LIN7B: variants seen among roughly 807,000 people sequenced by gnomAD.
LIN7B encodes lin-7 cell polarity scaffold B, also known as protein lin-7 homolog B.
In LIN7B, 16 loss-of-function variants were observed where a neutral mutation model predicts 27.9. The ratio of observed to expected loss-of-function variants is 0.57; its 90% confidence interval spans 0.39 to 0.87. The LOEUF is 0.87. LIN7B is among the 40% of genes least tolerant of loss of function. The pLI is 0.00. For synonymous variants in LIN7B, 147 were observed against 120.8 expected (o/e 1.22, Z -1.42); for missense variants, 291 against 288.5 (o/e 1.01, Z -0.06).
At position 49,116,355 on chromosome 19, in the gene LIN7B, C is replaced by G; in HGVS notation, c.321C>G (p.Ile107Met). 6.2e-7 allele frequency: 1 copy of G among 1,614,216 alleles called. No individual in the cohort carries two copies. Among genetic ancestry groups the G allele is most frequent in the Non-Finnish European group, 8.5e-7 (1 of 1,180,032 alleles). Residue 107 changes from isoleucine to methionine, a missense_variant, in exon 4 of 6, where the codon ATC (isoleucine) becomes ATG (methionine). Transcript: ENST00000221459. ...PKTDEGLGFN[I>M]MGGKEQNSPI... ...CGGATGAGGGCCTAGGCTTCAACAT[C>G]ATGGGTGGCAAAGAGCAAAACTCGC...
chr19:49,116,077 T>C (rs1568428029), intron 3 of LIN7B, 186 bp from the exon 4 acceptor site: 2 of 568,880 alleles, frequency 3.5e-6, no homozygotes, highest in East Asian at 2.9e-5. Context: ...GGACACTTTC[T>C]CTTGCAAGTG....
chr19:49,114,379 G>T lies in LIN7B; in HGVS notation c.-26G>T, dbSNP rs540223275. The T allele has an allele frequency of 1.5e-3, 1,732 of 1,191,420 alleles. 5 individuals are homozygous for T. Among genetic ancestry groups the T allele is most frequent in the Middle Eastern group, 2.0e-3 (6 of 2,998 alleles). 73.8% of individuals were successfully genotyped at this position (1,191,420 alleles called of 1,614,324 possible). On this transcript the variant is annotated 5_prime_UTR_variant, in exon 1 of 6. Transcript: ENST00000221459. ...CCTCCTCGCCGGCGCCAGGGCAGGC[G>T]GGCGGCTGGCAGCTGTGGCGCCGAC...
intron 4 of LIN7B, 145 bp from the exon 5 acceptor site, chr19:49,117,710 G>T: frequency 1.5e-6 from 1 of 679,346 alleles, no homozygotes; most frequent in Admixed American, 2.6e-5. Context: ...ACTGAACCAG[G>T]AGTTAATGAC....
At chr19:49,115,209 C>G in intron 2 of LIN7B, 51 bp from the exon 3 acceptor site, 5 of 1,506,898 alleles carry the variant, frequency 3.3e-6, no homozygotes, top group Non-Finnish European at 4.5e-6. Flanking sequence ...ACTCCTGCGT[C>G]TAGGGCTGGA....
Position 49,116,314 on chromosome 19 carries a change from G to A in LIN7B, c.280G>A (p.Val94Met). 1 of 1,614,178 alleles carries A rather than the reference G, an allele frequency of 6.2e-7. No homozygotes were observed. The highest frequency in any genetic ancestry group is 8.5e-7 in the Non-Finnish European group (1 of 1,180,030). The change falls in exon 4 of 6, where the codon GTG becomes ATG. Residue 94 changes from valine (V) to methionine (M), a missense_variant. Transcript: ENST00000221459. ...CGAGGGCCACGCACATCCCAGGGTAGTGGAGCTACCCAAGACGGATGAGGG... is the reference window on the plus strand; with the variant it reads ...CGAGGGCCACGCACATCCCAGGGTAATGGAGCTACCCAAGACGGATGAGGG... Reference protein sequence around the residue: ...ASEGHAHPRVVELPKTDEGLG... With the variant: ...ASEGHAHPRVMELPKTDEGLG...
Position 49,116,426 on chromosome 19 carries a change from A to G in LIN7B, c.392A>G (p.His131Arg), listed in dbSNP as rs2040826713. ...ATCCCAGGGGGTGTGGCTGACCGCC[A>G]TGGAGGCCTCAAGCGTGGGGATCAA... ...RVIPGGVADR[H>R]GGLKRGDQLL... is the part of the protein sequence containing the mutation. The change falls in exon 4 of 6, where the codon CAT becomes CGT. Residue 131 changes from histidine (H) to arginine (R), a missense_variant. His to Arg is a conservative substitution (Grantham distance 29). Transcript: ENST00000221459. The G allele has an allele frequency of 6.2e-7, 1 of 1,614,216 alleles. No individual in the cohort carries two copies.
intron 1 of LIN7B, 111 bp downstream of exon 1, chr19:49,114,552 GGGGGTGGGC>G: frequency 1.2e-6 from 1 of 856,128 alleles, no homozygotes; most frequent in Non-Finnish European, 1.5e-6. Flanking sequence ...CGGACCCGGA[GGGGGTGGGC>G]GGGGCGGGCG....
intron 3 of LIN7B, chr19:49,116,025 G>C: frequency 2.5e-6 from 1 of 402,084 alleles, no homozygotes; most frequent in Non-Finnish European, 4.5e-6. Context: ...AAAAAAAAAA[G>C]TAAGATTGGC....
intron 1 of LIN7B, 185 bp from the exon 2 acceptor site, chr19:49,114,664 C>CCGGGGCCG: frequency 2.2e-6 from 1 of 451,734 alleles, no homozygotes; most frequent in Non-Finnish European, 3.6e-6. Context: ...TGGAGGGGTC[C>CCGGGGCCG]CGGGGCCGCA....
intron 5 of LIN7B, 24 bp downstream of exon 5, chr19:49,118,042 C>T (rs761548072): frequency 2.5e-6 from 4 of 1,612,454 alleles, no homozygotes; most frequent in Admixed American, 3.3e-5. Flanking sequence ...TCACCACACC[C>T]CTGGGGCCTC....
rs1332548582 is a variant in LIN7B, at chr19:49,118,343, C to A, written c.603-9C>A. 2 of 1,614,066 alleles carry A rather than the reference C, an allele frequency of 1.2e-6. No homozygotes were observed. Among genetic ancestry groups the A allele is most frequent in the Non-Finnish European group, 1.7e-6 (2 of 1,179,996 alleles). ...CTGATCCCGGGTCCCTTGTCCACCC[C>A]CCTTGCAGGTCCTTGGAGTCTCGAG... On this transcript the variant is annotated splice_polypyrimidine_tract_variant and intron_variant, in intron 5 of 5. Coordinates refer to ENST00000221459, the MANE Select transcript of LIN7B (RefSeq NM_022165.3).
chr19:49,116,037 A>T (rs1418710983), intron 3 of LIN7B: 2 of 488,824 alleles, frequency 4.1e-6, no homozygotes, highest in Admixed American at 3.7e-5. Flanking sequence ...AAGATTGGCA[A>T]GTATGGGGTA....
intron 4 of LIN7B, among the ~76,000 whole-genome samples, 198 bp from the exon 5 acceptor site, chr19:49,117,657 G>A (rs1170718277): frequency 6.6e-6 from 1 of 152,164 alleles, no homozygotes; most frequent in Non-Finnish European, 1.5e-5. Flanking sequence ...GGAACACGGG[G>A]CTGTCCCTGA....
intron 5 of LIN7B, 57 bp from the exon 6 acceptor site, chr19:49,118,295 C>A: frequency 6.3e-7 from 1 of 1,596,852 alleles, no homozygotes; most frequent in East Asian, 2.2e-5. Flanking sequence ...CAGTCCTGCC[C>A]CTCTTGTCTA....
At chr19:49,118,316 C>T (rs1475822085) in intron 5 of LIN7B, 36 bp from the exon 6 acceptor site, 1 of 1,613,268 alleles carries the variant, frequency 6.2e-7, no homozygotes, top group East Asian at 2.2e-5. Flanking sequence ...CCCGGAGCCT[C>T]CCTGATCCCG....
Position 49,117,905 on chromosome 19 carries a change from C to T in LIN7B, c.489C>T (p.Ala163=). 6.2e-7 allele frequency: 1 copy of T among 1,614,028 alleles called. No homozygotes were observed. The highest frequency in any genetic ancestry group is 8.5e-7 in the Non-Finnish European group (1 of 1,179,960). ...AGGCGGTGGAGCTGCTGAAGGCGGC[C>T]CAGGGCTCGGTGAAGCTGGTTGTCC... ...HEKAVELLKA[A]QGSVKLVVRY... Residue 163 remains alanine (A), a synonymous_variant, in exon 5 of 6, where the codon GCC becomes GCT. Transcript: ENST00000221459.
At chr19:49,114,821 G>C (rs1227953256) in intron 1 of LIN7B, 28 bp from the exon 2 acceptor site, 1 of 1,345,994 alleles carries the variant, frequency 7.4e-7, no homozygotes, top group Admixed American at 2.9e-5. Context: ...GACACTCGGG[G>C]TTTCTGCGCC....
chr19:49,117,786 C>G, intron 4 of LIN7B, 69 bp from the exon 5 acceptor site: 1 of 1,420,358 alleles, frequency 7.0e-7, no homozygotes, highest in Non-Finnish European at 9.9e-7. Flanking sequence ...GCAGTGGGTC[C>G]CATCTCCCAG....
At position 49,117,931 on chromosome 19, in the gene LIN7B, G is replaced by T; in HGVS notation, c.515G>T (p.Arg172Leu). ...CAGGGCTCGGTGAAGCTGGTTGTCC[G>T]TTACACACCGCGAGTGCTGGAGGAG... Reference protein sequence around the residue: ...AAQGSVKLVVRYTPRVLEEME... With the variant: ...AAQGSVKLVVLYTPRVLEEME... The change falls in exon 5 of 6, where the codon CGT (arginine) becomes CTT (leucine). Residue 172 changes from arginine to leucine, a missense_variant. Transcript: ENST00000221459. 6.2e-7 allele frequency: 1 copy of T among 1,614,120 alleles called. No homozygotes were observed. Among genetic ancestry groups the T allele is most frequent in the South Asian group, 1.1e-5 (1 of 91,086 alleles).
Sources: gnomAD v4.1 joint callset for allele counts (sites outside exome capture counted in the v4.1 genomes callset) on GRCh38, gnomAD v4.1.1 for gene constraint, MANE v1.5 for transcripts, NCBI Gene and HGNC (gene_info 2026-07-23, HGNC 2026-07-21) for gene names.